Variants in FAM178B observed in about 807,000 individuals in gnomAD.
The protein encoded by FAM178B is family with sequence similarity 178 member B, also known as protein FAM178B.
In FAM178B, 82 loss-of-function variants were observed where a neutral mutation model predicts 91.7. The ratio of observed to expected loss-of-function variants is 0.89; its 90% confidence interval spans 0.75 to 1.07. The LOEUF (loss-of-function observed/expected upper bound fraction) is 1.07. Ranked by LOEUF, FAM178B falls within the 50% of genes least tolerant of loss-of-function variation. The probability of loss-of-function intolerance (pLI) is 0.00; values close to 1 mark genes in which losing one functional copy is unlikely to be tolerated. For synonymous variants in FAM178B, 368 were observed against 359.4 expected (o/e 1.02, Z -0.27); for missense variants, 769 against 846.7 (o/e 0.91, Z 1.14).
rs548491051 is a variant in FAM178B at position 96,938,384 on chromosome 2, C to T, written c.1079-9064G>A. On this transcript the variant is annotated intron_variant, in intron 8 of 16. Coordinates refer to ENST00000490605, the MANE Select transcript of FAM178B (RefSeq NM_001122646.3). ...TAGTGGTGGGGACAGGAGCTGAGTG[C>T]GCCACAGGCAGGGAGACTCTGGAGA... Among the ~76,000 whole-genome samples the T allele has an allele frequency of 7.9e-4, 121 of 152,238 alleles. 1 individual carries two copies. Among genetic ancestry groups the T allele is most frequent in the African/African-American group, 2.7e-3 (113 of 41,554 alleles).
chr2:96,895,545 C>A (rs1471734162), intron 13 of FAM178B, among the ~76,000 whole-genome samples: 1 of 152,230 alleles, frequency 6.6e-6, no homozygotes, highest in Non-Finnish European at 1.5e-5. Context: ...ATTCGGGTAG[C>A]CTGGGCCCAG....
At chr2:96,961,085 T>C (rs1470013954) in intron 5 of FAM178B, among the ~76,000 whole-genome samples, 1 of 151,658 alleles carries the variant, frequency 6.6e-6, no homozygotes, top group Non-Finnish European at 1.5e-5. Flanking sequence ...GAGAGTCTGA[T>C]TTAGTGGATG....
intron 7 of FAM178B, among the ~76,000 whole-genome samples, chr2:96,949,731 G>C (rs889044733): frequency 6.6e-6 from 1 of 152,202 alleles, no homozygotes; most frequent in African/African-American, 2.4e-5. Flanking sequence ...TGGGGGATGG[G>C]AGCTTTTGTC....
chr2:96,920,586 C>G (rs551077557), intron 12 of FAM178B, among the ~76,000 whole-genome samples: 1 of 151,814 alleles, frequency 6.6e-6, no homozygotes, highest in Non-Finnish European at 1.5e-5. Flanking sequence ...GGTGACAGAG[C>G]AAGACTCTGT....
intron 9 of FAM178B, among the ~76,000 whole-genome samples, chr2:96,926,709 C>T (rs530014786): frequency 1.4e-4 from 21 of 152,188 alleles, no homozygotes; most frequent in African/African-American, 1.2e-4. Context: ...GGCCCAGCTG[C>T]GGAAGGACTG....
intron 12 of FAM178B, among the ~76,000 whole-genome samples, chr2:96,913,639 C>A (rs1434007566): frequency 6.6e-6 from 1 of 152,216 alleles, no homozygotes; most frequent in Non-Finnish European, 1.5e-5. Context: ...TCTGCACTTC[C>A]GCTCCATCAG....
intron 9 of FAM178B, among the ~76,000 whole-genome samples, chr2:96,928,645 G>A (rs2081487874): frequency 6.6e-6 from 1 of 152,186 alleles, no homozygotes; most frequent in Admixed American, 6.5e-5. Context: ...TGAAGTCTGG[G>A]TTTCACCAGA....
chr2:96,924,352 T>C (rs978239908), intron 9 of FAM178B, among the ~76,000 whole-genome samples: 4 of 152,174 alleles, frequency 2.6e-5, no homozygotes, highest in African/African-American at 9.7e-5. Context: ...AAAACATCCC[T>C]GAAAACCCCC....
intron 9 of FAM178B, among the ~76,000 whole-genome samples, chr2:96,928,157 G>A (rs539726978): frequency 6.6e-6 from 1 of 152,262 alleles, no homozygotes; most frequent in East Asian, 1.9e-4. Context: ...TCTGCCCGCC[G>A]AGGCGAGGGA....
At chr2:96,915,607 GGA>G (rs2081228627) in intron 12 of FAM178B, among the ~76,000 whole-genome samples, 1 of 151,514 alleles carries the variant, frequency 6.6e-6, no homozygotes, top group Non-Finnish European at 1.5e-5. Flanking sequence ...CACAAGGTCA[GGA>G]GTTCAAGACC....
chr2:96,894,197 ACTGTGGCCT>A, intron 13 of FAM178B, 146 bp from the exon 14 acceptor site: 1 of 864,848 alleles, frequency 1.2e-6, no homozygotes, highest in Non-Finnish European at 1.8e-6. Context: ...TACCTTATGA[ACTGTGGCCT>A]CTCGGATCCT....
At chr2:96,953,173 ACACGTGCACCC>A (rs1475281005) in intron 6 of FAM178B, among the ~76,000 whole-genome samples, 2 of 152,242 alleles carry the variant, frequency 1.3e-5, no homozygotes, top group African/African-American at 4.8e-5. Context: ...ACATACAAAT[ACACGTGCACCC>A]CAGGACTGCT....
intron 14 of FAM178B, among the ~76,000 whole-genome samples, chr2:96,887,321 A>C (rs903793261): frequency 1.3e-5 from 2 of 152,190 alleles, no homozygotes; most frequent in African/African-American, 4.8e-5. Context: ...CTCCTGCCTC[A>C]ACCTCTGAAA....
intron 12 of FAM178B, among the ~76,000 whole-genome samples, chr2:96,908,189 C>T (rs1269569528): frequency 6.6e-6 from 1 of 152,232 alleles, no homozygotes; most frequent in East Asian, 1.9e-4. Context: ...ATCCACAGAC[C>T]AGTCTGAGCA....
At chr2:96,949,323 G>T (rs1359816520) in intron 7 of FAM178B, among the ~76,000 whole-genome samples, 6 of 152,170 alleles carry the variant, frequency 3.9e-5, no homozygotes, top group Non-Finnish European at 8.8e-5. Flanking sequence ...CATGGCCCCA[G>T]CAGCCCTGGG....
chr2:96,944,720 T>C (rs1031970851), intron 8 of FAM178B, among the ~76,000 whole-genome samples: 1 of 152,206 alleles, frequency 6.6e-6, no homozygotes. Flanking sequence ...AAATACGACC[T>C]AACTAAAATG....
chr2:96,970,741 G>T lies in FAM178B; in HGVS notation c.601C>A (p.Leu201Met), dbSNP rs1239151971. The T allele has an allele frequency of 1.9e-6, 3 of 1,551,334 alleles. No individual in the cohort carries two copies. The African/African-American group carries it at 4.1e-5, about 21-fold the overall frequency. ...CTCTTCTCCTGCAGTAAGTAGTCCAGGTTGTTGAAGTAGCTTCCTGAGCCC... is the reference window on the plus strand; with the variant it reads ...CTCTTCTCCTGCAGTAAGTAGTCCATGTTGTTGAAGTAGCTTCCTGAGCCC... ...WGGSGSYFNN[L>M]DYLLQEKREQ... The change falls in exon 4 of 17, where the codon CTG becomes ATG. Residue 201 changes from leucine (L) to methionine (M), a missense_variant. Physicochemically the swap from Leu to Met is conservative, Grantham distance 15. Transcript: ENST00000490605.
intron 1 of FAM178B, among the ~76,000 whole-genome samples, chr2:96,983,504 C>A (rs781518912): frequency 6.6e-6 from 1 of 152,166 alleles, no homozygotes; most frequent in Non-Finnish European, 1.5e-5. Flanking sequence ...CAGCTCACTG[C>A]AGCCTCAACC....
At chr2:96,883,535 G>T (rs79461343) in intron 14 of FAM178B, among the ~76,000 whole-genome samples, 1 of 152,254 alleles carries the variant, frequency 6.6e-6, no homozygotes, top group Non-Finnish European at 1.5e-5. Flanking sequence ...CTGCCAGACC[G>T]GGTGGGGAAG....
Sources: gnomAD v4.1 joint callset for allele counts (sites outside exome capture counted in the v4.1 genomes callset) on GRCh38, gnomAD v4.1.1 for gene constraint, MANE v1.5 for transcripts, NCBI Gene and HGNC (gene_info 2026-07-23, HGNC 2026-07-21) for gene names.